FHIT: variants seen among roughly 807,000 people sequenced by gnomAD.
FHIT encodes the protein bis(5'-adenosyl)-triphosphatase.
In FHIT, 19 loss-of-function variants were observed where a neutral mutation model predicts 17.9. The ratio of observed to expected loss-of-function variants is 1.06; its 90% CI spans 0.74 to 1.56. The LOEUF is 1.56. Among genes scored for constraint, FHIT ranks in the 40% most tolerant of loss-of-function variants. The pLI, the probability that FHIT is intolerant of heterozygous loss-of-function variation, is 0.00. For synonymous variants in FHIT, 81 were observed against 69.7 expected (o/e 1.16, Z -0.81); for missense variants, 248 against 189.2 (o/e 1.31, Z -1.82).
At chr3:59,783,814 T>C (rs144018756) in intron 8 of FHIT, among the ~76,000 whole-genome samples, 20 of 152,222 alleles carry the variant, frequency 1.3e-4, no homozygotes, top group African/African-American at 4.1e-4. Flanking sequence ...AAAACCAATG[T>C]CTTGGGACAA....
chr3:60,895,172 C>T (rs1239654476), intron 3 of FHIT, among the ~76,000 whole-genome samples: 1 of 152,136 alleles, frequency 6.6e-6, no homozygotes, highest in South Asian at 2.1e-4. Flanking sequence ...AGAGGACAGG[C>T]CTGTGGCTTT....
At chr3:60,811,910 T>C (rs1370080725) in intron 4 of FHIT, among the ~76,000 whole-genome samples, 3 of 152,172 alleles carry the variant, frequency 2.0e-5, no homozygotes, top group African/African-American at 4.8e-5. Context: ...CATAGTAACA[T>C]TTTAAAAGTC....
chr3:60,317,981 G>T (rs923531149), intron 5 of FHIT, among the ~76,000 whole-genome samples: 1 of 151,772 alleles, frequency 6.6e-6, no homozygotes, highest in South Asian at 2.1e-4. Context: ...TGGTAGAAAC[G>T]GGGTTTTGCC....
At chr3:60,779,703 C>T (rs192166301) in intron 4 of FHIT, among the ~76,000 whole-genome samples, 3 of 152,006 alleles carry the variant, frequency 2.0e-5, no homozygotes, top group Admixed American at 6.6e-5. Flanking sequence ...TTGTCCCAGA[C>T]TGAATTCCAA....
At chr3:60,712,374 A>T (rs1350512038) in intron 4 of FHIT, among the ~76,000 whole-genome samples, 1 of 152,180 alleles carries the variant, frequency 6.6e-6, no homozygotes, top group Non-Finnish European at 1.5e-5. Flanking sequence ...TCAACTAACA[A>T]GCAAAATAAC....
At chr3:60,027,201 A>G (rs1700789203) in intron 5 of FHIT, among the ~76,000 whole-genome samples, 1 of 152,072 alleles carries the variant, frequency 6.6e-6, no homozygotes, top group East Asian at 1.9e-4. Context: ...TGAACTTACA[A>G]GATTTCTATA....
intron 4 of FHIT, among the ~76,000 whole-genome samples, chr3:60,633,732 G>A (rs1427117977): frequency 1.4e-4 from 22 of 152,178 alleles, no homozygotes; most frequent in Admixed American, 1.4e-3. Context: ...GCCTCCCCAG[G>A]AACACAGTTA....
chr3:60,927,219 T>C (rs1209199931), intron 3 of FHIT, among the ~76,000 whole-genome samples: 1 of 152,192 alleles, frequency 6.6e-6, no homozygotes, highest in Non-Finnish European at 1.5e-5. Flanking sequence ...CGGGCTGGTC[T>C]CCAGCTCCTG....
At chr3:60,822,407 C>G (rs546618115) in intron 3 of FHIT, among the ~76,000 whole-genome samples, 2 of 152,246 alleles carry the variant, frequency 1.3e-5, no homozygotes, top group East Asian at 1.9e-4. Flanking sequence ...GAGTCTTTCT[C>G]TGGTTTTCTG....
In FHIT at chr3:59,766,687, AT is replaced by A. The variant is rs374544896; in HGVS notation, c.349-14367del. Among the ~76,000 whole-genome samples, 28 of 152,282 alleles carry A rather than the reference AT, an allele frequency of 1.8e-4. No individual in the cohort carries two copies. In the South Asian group the frequency reaches 5.4e-3, roughly 29 times the overall value. On this transcript the variant is annotated intron_variant, in intron 8 of 9. Transcript: ENST00000492590. ...CATAATCTCTTTAGTCCTTTTGTTT[AT>A]GTTGATTCCCACACCAAGAAGGCTG...
chr3:60,728,485 G>C (rs1182974293), intron 4 of FHIT, among the ~76,000 whole-genome samples: 1 of 151,920 alleles, frequency 6.6e-6, no homozygotes, highest in Non-Finnish European at 1.5e-5. Flanking sequence ...AAAAACAGAC[G>C]TTTGTATTCC....
intron 4 of FHIT, among the ~76,000 whole-genome samples, chr3:60,651,271 C>T (rs1002893540): frequency 6.6e-6 from 1 of 152,030 alleles, no homozygotes; most frequent in Middle Eastern, 3.4e-3. Context: ...TTTAAATTAC[C>T]AGGAAGTTTA....
At chr3:59,967,779 C>T (rs6446100) in intron 7 of FHIT, among the ~76,000 whole-genome samples, 60,689 of 151,400 alleles carry the variant, frequency 0.4, 12,672 homozygotes, top group African/African-American at 0.53. Context: ...CATAATTCTG[C>T]TTTAGGGGAG....
At chr3:59,949,878 A>G (rs1707027521) in intron 7 of FHIT, among the ~76,000 whole-genome samples, 1 of 152,220 alleles carries the variant, frequency 6.6e-6, no homozygotes, top group Non-Finnish European at 1.5e-5. Flanking sequence ...CTTTGCATTA[A>G]ACAAACAGCT....
chr3:60,658,329 T>C (rs2107819020), intron 4 of FHIT, among the ~76,000 whole-genome samples: 1 of 152,262 alleles, frequency 6.6e-6, no homozygotes, highest in African/African-American at 2.4e-5. Context: ...TTGCTATTGA[T>C]TTTCTACACA....
chr3:61,227,823 G>C (rs2040007463), intron 1 of FHIT, among the ~76,000 whole-genome samples: 1 of 152,122 alleles, frequency 6.6e-6, no homozygotes, highest in Non-Finnish European at 1.5e-5. Context: ...GCCCGAGTGT[G>C]ATGTTCGGAT....
chr3:60,648,909 C>T (rs1249596076), intron 4 of FHIT, among the ~76,000 whole-genome samples: 1 of 152,138 alleles, frequency 6.6e-6, no homozygotes, highest in East Asian at 1.9e-4. Context: ...AGGAATAAAG[C>T]TGTGGCAGTG....
intron 7 of FHIT, among the ~76,000 whole-genome samples, chr3:59,981,562 C>T (rs1708656217): frequency 6.6e-6 from 1 of 152,140 alleles, no homozygotes; most frequent in African/African-American, 2.4e-5. Context: ...GGCCACATTA[C>T]CGAACCTATA....
intron 8 of FHIT, among the ~76,000 whole-genome samples, chr3:59,812,281 T>C (rs1030575382): frequency 6.6e-6 from 1 of 152,084 alleles, no homozygotes; most frequent in Non-Finnish European, 1.5e-5. Flanking sequence ...CTCCTTGTCT[T>C]TGAGGAAGAG....
Sources: allele counts gnomAD v4.1 joint callset (sites outside exome capture counted in the v4.1 genomes callset), GRCh38; gene constraint gnomAD v4.1.1; transcripts MANE v1.5; gene names NCBI Gene and HGNC (gene_info 2026-07-23, HGNC 2026-07-21).